Variants in HMG20A observed in about 807,000 individuals in gnomAD.
The protein encoded by HMG20A is high mobility group protein 20A.
In HMG20A, 17 loss-of-function variants were observed where a neutral mutation model predicts 43.9. The ratio of observed to expected loss-of-function variants is 0.39; its 90% confidence interval spans 0.27 to 0.58. The LOEUF is 0.58. Ranked by LOEUF, HMG20A falls within the 20% of genes least tolerant of loss-of-function variation. HMG20A has a pLI of 0.59. For missense variants in HMG20A, 341 were observed against 438.2 expected, an observed-to-expected ratio of 0.78 and a Z score of 1.98; for synonymous variants, 132 against 147.5, an observed-to-expected ratio of 0.89 and a Z score of 0.76.
chr15:77,513,732 C>CTTT, the HMG20A span, among the ~76,000 whole-genome samples: 44 of 143,196 alleles, frequency 3.1e-4, 2 homozygotes, highest in South Asian at 1.1e-3. Context: ...TCACTACCTC[C>CTTT]TTTTTTTTTT....
At chr15:77,458,530 A>G (rs2072677741) in intron 2 of HMG20A, 34 bp downstream of exon 2, 15 of 1,402,004 alleles carry the variant, frequency 1.1e-5, no homozygotes, top group Non-Finnish European at 1.5e-5. Flanking sequence ...GGACTTCTCC[A>G]TAGGCCTCAA....
the HMG20A span, among the ~76,000 whole-genome samples, chr15:77,499,535 A>C: frequency 9.1e-3 from 1,364 of 150,596 alleles, 16 homozygotes; most frequent in Middle Eastern, 0.017. Context: ...GCTCCCCCCC[A>C]CACACACACA....
intron 4 of HMG20A, among the ~76,000 whole-genome samples, chr15:77,467,978 T>A (rs2072771835): frequency 6.6e-6 from 1 of 152,262 alleles, no homozygotes; most frequent in Non-Finnish European, 1.5e-5. Context: ...ATCTGAAAGA[T>A]ATCTGTATTT....
At chr15:77,438,887 T>C (rs577494433) in intron 1 of HMG20A, among the ~76,000 whole-genome samples, 2 of 152,260 alleles carry the variant, frequency 1.3e-5, no homozygotes, top group African/African-American at 4.8e-5. Flanking sequence ...GCCTCCCTGG[T>C]TCACACCATT....
intron 4 of HMG20A, among the ~76,000 whole-genome samples, chr15:77,468,851 T>A (rs2072781277): frequency 6.6e-6 from 1 of 152,226 alleles, no homozygotes; most frequent in African/African-American, 2.4e-5. Context: ...CATTTTTCCC[T>A]TCCAAAACAG....
the HMG20A span, among the ~76,000 whole-genome samples, chr15:77,506,205 A>T: frequency 6.6e-6 from 1 of 152,020 alleles, no homozygotes; most frequent in Non-Finnish European, 1.5e-5. Flanking sequence ...TTAACTGGGC[A>T]TCCTCTATTT....
the HMG20A span, among the ~76,000 whole-genome samples, chr15:77,517,064 C>T: frequency 0.012 from 1,756 of 152,308 alleles, 39 homozygotes; most frequent in African/African-American, 0.04. Context: ...TCCCCTCCAC[C>T]AATGCTCACC....
chr15:77,445,137 C>A (rs1181117900), intron 1 of HMG20A, among the ~76,000 whole-genome samples: 1 of 152,228 alleles, frequency 6.6e-6, no homozygotes, highest in Non-Finnish European at 1.5e-5. Flanking sequence ...TGAAACATGT[C>A]ATCCTTTACT....
rs1189837443 is a variant in HMG20A, at chr15:77,477,680, T to A, written c.691+50T>A. 4 of 1,253,082 alleles carry A rather than the reference T, an allele frequency of 3.2e-6. No homozygotes were observed. In the South Asian group the frequency reaches 5.0e-5, roughly 16 times the overall value. The allele number at this position is 1,253,082 out of a possible 1,614,324, so 77.6% of individuals were successfully genotyped here. A position where few individuals can be genotyped will look rare whatever the true frequency, so the allele number is the denominator to read the frequency against. ...GTTTCTCAGATTTTTGACAGGGGAC[T>A]TAGTTCTCAGAAGAAATTCATTGCT... On this transcript the variant is annotated intron_variant, in intron 7 of 9. Transcript: ENST00000336216.
intron 7 of HMG20A, 111 bp downstream of exon 7, chr15:77,477,741 A>G: frequency 1.5e-6 from 1 of 681,374 alleles, no homozygotes. Context: ...CCTTAGGACT[A>G]CTCAAAGACC....
At chr15:77,481,722 A>G (rs909874308) in intron 9 of HMG20A, among the ~76,000 whole-genome samples, 5 of 152,236 alleles carry the variant, frequency 3.3e-5, no homozygotes, top group African/African-American at 7.2e-5. Context: ...GAACTGTTAT[A>G]TTACTACAGA....
chr15:77,476,998 A>G lies in HMG20A; in HGVS notation c.616-557A>G, dbSNP rs573865742. Among the ~76,000 whole-genome samples, 7 of 152,266 alleles carry G rather than the reference A, an allele frequency of 4.6e-5. No homozygotes were observed. The South Asian group carries it at 1.4e-3, about 32-fold the overall frequency. On this transcript the variant is annotated intron_variant, in intron 6 of 9. Transcript: ENST00000336216. The stretch of plus-strand genomic sequence containing the variant: ...TTGTTTGTTTATTTTTCCTGTGTCT[A>G]AAGAAAATCTAAAAGACCCCAAAGA...
At chr15:77,447,818 A>G (rs1382299259) in intron 1 of HMG20A, 2 of 152,250 alleles carry the variant, frequency 1.3e-5, no homozygotes, top group South Asian at 4.1e-4. Context: ...GAAGGTGATC[A>G]ACAAATGTTT....
intron 1 of HMG20A, among the ~76,000 whole-genome samples, chr15:77,444,650 A>G (rs985820972): frequency 1.3e-5 from 2 of 152,194 alleles, no homozygotes; most frequent in Non-Finnish European, 2.9e-5. Flanking sequence ...TATCATGTTG[A>G]GTAGGTTATC....
chr15:77,472,997 G>T (rs377290112), intron 6 of HMG20A, among the ~76,000 whole-genome samples: 11 of 152,240 alleles, frequency 7.2e-5, no homozygotes, highest in Non-Finnish European at 1.3e-4. Flanking sequence ...ATTCAAAGTT[G>T]ACCTGAAATA....
At chr15:77,509,506 T>A in the HMG20A span, among the ~76,000 whole-genome samples, 1 of 151,394 alleles carries the variant, frequency 6.6e-6, no homozygotes, top group African/African-American at 2.4e-5. Flanking sequence ...CTGCCTGGCC[T>A]CGGCCTCTCA....
intron 6 of HMG20A, among the ~76,000 whole-genome samples, chr15:77,473,772 G>A (rs2072830789): frequency 6.6e-6 from 1 of 151,662 alleles, no homozygotes; most frequent in African/African-American, 2.4e-5. Flanking sequence ...TACAGGATTA[G>A]ACACATGTTA....
At chr15:77,515,218 C>T in the HMG20A span, among the ~76,000 whole-genome samples, 1 of 152,012 alleles carries the variant, frequency 6.6e-6, no homozygotes, top group Non-Finnish European at 1.5e-5. Context: ...CCAGTGGGTA[C>T]AATAGACAGT....
In HMG20A at chr15:77,430,888, G is replaced by A. The variant is rs79635962; in HGVS notation, c.-5+9884G>A. Among the ~76,000 whole-genome samples, 791 of 152,306 alleles carry A rather than the reference G, an allele frequency of 5.2e-3. 5 individuals are homozygous for A. The highest frequency in any genetic ancestry group is 0.016 in the African/African-American group (685 of 41,554). On this transcript the variant is annotated intron_variant, in intron 1 of 9. Coordinates refer to ENST00000336216, the MANE Select transcript of HMG20A (RefSeq NM_001304504.2). Reference sequence around the variant, plus strand: ...GAAGAAGTCTAACATACATATGACTGGAGGAGAGAAAGTTAGAAGCAGTAA... The same window carrying A: ...GAAGAAGTCTAACATACATATGACTAGAGGAGAGAAAGTTAGAAGCAGTAA...
Sources: allele counts gnomAD v4.1 joint callset (sites outside exome capture counted in the v4.1 genomes callset), GRCh38; gene constraint gnomAD v4.1.1; transcripts MANE v1.5; gene names NCBI Gene and HGNC (gene_info 2026-07-23, HGNC 2026-07-21).